Variants in ADAM28 observed in about 807,000 individuals in gnomAD.
ADAM28 encodes ADAM metallopeptidase domain 28.
ADAM28 carries 105 observed loss-of-function variants against 101.2 expected under a neutral mutation model. That is an observed-to-expected ratio of 1.04 (90% CI 0.89 to 1.22). The LOEUF is 1.22. Among genes scored for constraint, ADAM28 ranks in the 50% most tolerant of loss-of-function variants. The pLI, the probability that ADAM28 is intolerant of heterozygous loss-of-function variation, is 0.00. For synonymous variants in ADAM28, 322 were observed against 310.6 expected, an observed-to-expected ratio of 1.04 and a Z score of -0.39; for missense variants, 1,028 against 945.4, an observed-to-expected ratio of 1.09 and a Z score of -1.15.
chr8:24,341,262 A>C (rs1814726055), intron 15 of ADAM28: 1 of 198,884 alleles, frequency 5.0e-6, no homozygotes, highest in Non-Finnish European at 1.0e-5. Flanking sequence ...TCAGCAAAAA[A>C]TGAGAAAATG....
At chr8:24,309,588 C>G (rs1244081472) in intron 2 of ADAM28, among the ~76,000 whole-genome samples, 1 of 152,124 alleles carries the variant, frequency 6.6e-6, no homozygotes, top group African/African-American at 2.4e-5. Context: ...ATTTTTCTTG[C>G]TTAGAGTAGA....
intron 2 of ADAM28, among the ~76,000 whole-genome samples, chr8:24,307,004 G>A (rs1197574338): frequency 1.3e-5 from 2 of 152,104 alleles, no homozygotes; most frequent in East Asian, 3.9e-4. Flanking sequence ...GATTTCCATT[G>A]GCATAGACTC....
At chr8:24,304,717 T>C (rs1324605074) in intron 2 of ADAM28, among the ~76,000 whole-genome samples, 1 of 151,750 alleles carries the variant, frequency 6.6e-6, no homozygotes, top group Admixed American at 6.6e-5. Context: ...ATACAAAAAA[T>C]TAGCTGGGTG....
At chr8:24,333,781 C>G (rs73561551) in intron 13 of ADAM28, among the ~76,000 whole-genome samples, 11 of 152,268 alleles carry the variant, frequency 7.2e-5, no homozygotes, top group Middle Eastern at 6.8e-3. Context: ...ATTTCATGTT[C>G]TCTGTGGTGC....
chr8:24,326,691 A>T, intron 10 of ADAM28, 56 bp downstream of exon 10: 2 of 1,516,224 alleles, frequency 1.3e-6, no homozygotes, highest in Non-Finnish European at 1.8e-6. Context: ...AATGCTTTTT[A>T]AAAAATCTAT....
At chr8:24,331,747 T>A (rs1482829167) in intron 12 of ADAM28, among the ~76,000 whole-genome samples, 1 of 152,080 alleles carries the variant, frequency 6.6e-6, no homozygotes, top group Non-Finnish European at 1.5e-5. Context: ...TGGATTCAAA[T>A]GTATCTGTTT....
intron 14 of ADAM28, chr8:24,335,873 ATTTTTTG>A (rs1439084703): frequency 1.5e-5 from 19 of 1,229,726 alleles, no homozygotes; most frequent in Admixed American, 1.1e-4. Flanking sequence ...TTTTTTGTTA[ATTTTTTG>A]TTTTTTGTCT....
In ADAM28 at chr8:24,332,505, T is replaced by G. The variant is rs188203992; in HGVS notation, c.1282-155T>G. ...AACAAACCATCAGTTGCTCCAAAAT[T>G]TCAGGTTTTCTAATTTTTTTTATAT... On this transcript the variant is annotated intron_variant, in intron 12 of 22. Coordinates refer to ENST00000265769, the MANE Select transcript of ADAM28 (RefSeq NM_014265.6). Among the ~76,000 whole-genome samples the G allele has an allele frequency of 4.1e-3, 622 of 152,262 alleles. 6 individuals carry two copies. Among genetic ancestry groups the G allele is most frequent in the Non-Finnish European group, 3.4e-3 (231 of 68,012 alleles).
rs1563270702 is a variant in ADAM28, at chr8:24,306,381, TATATTTAA to T, written c.151-3511_151-3504del. Among the ~76,000 whole-genome samples the T allele has an allele frequency of 2.6e-4, 36 of 137,574 alleles. 2 individuals are homozygous for T. The highest frequency in any genetic ancestry group is 7.2e-4 in the African/African-American group (26 of 35,984). The allele number at this position is 137,574 out of a possible 152,430, so 90.3% of individuals were successfully genotyped here. ...ATAAATAAATATATATATATATATA[TATATTTAA>T]AAATATATATATATATGTTCCACAC... On this transcript the variant is annotated intron_variant, in intron 2 of 22. Coordinates refer to ENST00000265769, the MANE Select transcript of ADAM28 (RefSeq NM_014265.6).
chr8:24,342,266 A>G (rs574685489), intron 16 of ADAM28, among the ~76,000 whole-genome samples: 6 of 152,246 alleles, frequency 3.9e-5, no homozygotes, highest in Admixed American at 3.9e-4. Context: ...CCCTCTTTAT[A>G]TATTCACTAA....
rs1410214088 is a variant in ADAM28 at position 24,358,976 on chromosome 8, A to G, written c.*4572A>G. The G allele has an allele frequency of 6.6e-6, 1 of 152,194 alleles. No homozygotes were observed. Among genetic ancestry groups the G allele is most frequent in the Non-Finnish European group, 1.5e-5 (1 of 68,036 alleles). 9.4% of individuals were successfully genotyped at this position (152,194 alleles called of 1,614,324 possible). ...TTAAATAGTTTGACAATGTTATTTT[A>G]AAATCTGGACAAATCACAAATATAA... On this transcript the variant is annotated 3_prime_UTR_variant, in exon 23 of 23. Transcript: ENST00000265769.
chr8:24,318,150 TTTGA>T (rs1295214202), intron 6 of ADAM28, among the ~76,000 whole-genome samples: 1 of 152,134 alleles, frequency 6.6e-6, no homozygotes, highest in Admixed American at 6.6e-5. Context: ...GTTGGCCACC[TTTGA>T]TTGGCCAGAA....
chr8:24,314,057 G>A (rs760936222), intron 6 of ADAM28, among the ~76,000 whole-genome samples: 7 of 151,960 alleles, frequency 4.6e-5, no homozygotes, highest in Admixed American at 6.6e-5. Context: ...GCACTTAGCC[G>A]GAATCAACTA....
At chr8:24,318,100 T>G (rs574490604) in intron 6 of ADAM28, among the ~76,000 whole-genome samples, 4 of 152,120 alleles carry the variant, frequency 2.6e-5, no homozygotes, top group African/African-American at 9.6e-5. Context: ...CTGCACCGGT[T>G]ACAGCTTGAT....
intron 15 of ADAM28, among the ~76,000 whole-genome samples, chr8:24,340,047 A>T (rs1814575297): frequency 6.6e-6 from 1 of 152,212 alleles, no homozygotes; most frequent in Non-Finnish European, 1.5e-5. Context: ...ACAATATGAA[A>T]ATATTGACAA....
chr8:24,332,587 G>C (rs1813493961), intron 12 of ADAM28, 73 bp from the exon 13 acceptor site: 1 of 731,952 alleles, frequency 1.4e-6, no homozygotes, highest in Non-Finnish European at 2.1e-6. Flanking sequence ...GATGAATATA[G>C]TATGTTACAA....
Position 24,357,036 on chromosome 8 carries a change from C to A in ADAM28, c.*2632C>A, listed in dbSNP as rs1159624175. The A allele has an allele frequency of 6.6e-6, 1 of 152,090 alleles. No homozygotes were observed. Among genetic ancestry groups the A allele is most frequent in the Non-Finnish European group, 1.5e-5 (1 of 68,022 alleles). 9.4% of individuals were successfully genotyped at this position (152,090 alleles called of 1,614,324 possible). A position where few individuals can be genotyped will look rare whatever the true frequency, so the allele number is the denominator to read the frequency against. On this transcript the variant is annotated 3_prime_UTR_variant, in exon 23 of 23. Coordinates refer to ENST00000265769, the MANE Select transcript of ADAM28 (RefSeq NM_014265.6). ...TATGTGTTAAGGAATTGAAGGTGGC[C>A]TCTGGCTAGCAGCCATTAAGAAAAT...
intron 2 of ADAM28, among the ~76,000 whole-genome samples, chr8:24,302,518 C>T (rs550204946): frequency 6.6e-5 from 10 of 152,276 alleles, no homozygotes; most frequent in South Asian, 2.1e-4. Flanking sequence ...ATTGCCACAC[C>T]GTCTTCCACA....
chr8:24,307,534 G>A (rs534730920), intron 2 of ADAM28, among the ~76,000 whole-genome samples: 4 of 152,226 alleles, frequency 2.6e-5, no homozygotes, highest in East Asian at 1.9e-4. Context: ...TCATATTCAC[G>A]ATTGTATTTA....
Sources: gnomAD v4.1 joint callset for allele counts (sites outside exome capture counted in the v4.1 genomes callset) on GRCh38, gnomAD v4.1.1 for gene constraint, MANE v1.5 for transcripts, NCBI Gene and HGNC (gene_info 2026-07-23, HGNC 2026-07-21) for gene names.